Variants in PSMC4 observed in about 807,000 individuals in gnomAD.
The protein encoded by PSMC4 is 26S proteasome regulatory subunit 6B.
A neutral mutation model predicts 48.4 loss-of-function variants in PSMC4; 13 were observed. That is an observed-to-expected ratio of 0.27 (90% CI 0.18 to 0.43). PSMC4 has a LOEUF of 0.43. PSMC4 is among the 20% of genes least tolerant of loss of function. The probability of loss-of-function intolerance (pLI) is 1.00; values close to 1 mark genes in which losing one functional copy is unlikely to be tolerated. For missense variants in PSMC4, 262 were observed against 555.9 expected, an observed-to-expected ratio of 0.47 and a Z score of 5.32; for synonymous variants, 202 against 212.3, an observed-to-expected ratio of 0.95 and a Z score of 0.42.
intron 6 of PSMC4, among the ~76,000 whole-genome samples, chr19:39,977,975 T>C (rs967244769): frequency 6.6e-6 from 1 of 152,054 alleles, no homozygotes; most frequent in African/African-American, 2.4e-5. Context: ...TGTGCCACCA[T>C]GCCCAACTAA....
chr19:39,972,595 A>G (rs1275120336), intron 3 of PSMC4, 40 bp downstream of exon 3: 2 of 1,563,926 alleles, frequency 1.3e-6, no homozygotes, highest in African/African-American at 2.7e-5. Flanking sequence ...TGTCCACTTA[A>G]CAACTATTTC....
chr19:39,976,416 A>AG (rs1463894100), intron 6 of PSMC4, among the ~76,000 whole-genome samples: 1 of 147,806 alleles, frequency 6.8e-6, no homozygotes, highest in East Asian at 2.0e-4. Context: ...AAAAAAAAAA[A>AG]AAAAAAAGAA....
At position 39,980,327 on chromosome 19, in the gene PSMC4, C is replaced by T. The variant is rs1971268025; in HGVS notation, c.960C>T (p.Ala320=). The T allele has an allele frequency of 6.2e-7, 1 of 1,614,082 alleles. No homozygotes were observed. The highest frequency in any genetic ancestry group is 8.5e-7 in the Non-Finnish European group (1 of 1,180,018). ...ACAGAGCAGACACCCTGGATCCGGC[C>T]CTGCTACGGCCAGGACGGCTGGACC... ...ATNRADTLDP[A]LLRPGRLDRK... The change falls in exon 9 of 11, where the codon GCC becomes GCT. Residue 320 remains alanine (A), a synonymous_variant. Transcript: ENST00000157812. This position sits in a 1 kb window ranked among gnomAD's most constrained non-coding sequence, Gnocchi z 4.8.
At position 39,981,284 on chromosome 19, in the gene PSMC4, G is replaced by C. The variant is rs1568377715; in HGVS notation, c.1236G>C (p.Gln412His). ...AYKTVIKKDEQEHEFYK is the reference protein window; with the variant it reads ...AYKTVIKKDEHEHEFYK ...AGACTGTCATCAAGAAGGACGAGCA[G>C]GAGCATGAGTTTTACAAGTGACCCT... The change falls in exon 11 of 11, where the codon CAG (glutamine) becomes CAC (histidine). Residue 412 changes from glutamine (Q) to histidine (H), a missense_variant. Gln to His is a conservative substitution (Grantham distance 24). Transcript: ENST00000157812. 6.2e-7 allele frequency: 1 copy of C among 1,613,944 alleles called. No individual in the cohort carries two copies. The highest frequency in any genetic ancestry group is 8.5e-7 in the Non-Finnish European group (1 of 1,179,870).
Position 39,981,440 on chromosome 19 carries a change from C to T in PSMC4, c.*135C>T. 3 of 632,128 alleles carry T rather than the reference C, an allele frequency of 4.7e-6. No individual in the cohort carries two copies. Among genetic ancestry groups the T allele is most frequent in the Non-Finnish European group, 5.6e-6 (2 of 356,074 alleles). 39.2% of individuals were successfully genotyped at this position (632,128 alleles called of 1,614,324 possible). On this transcript the variant is annotated 3_prime_UTR_variant, in exon 11 of 11. Coordinates refer to ENST00000157812, the MANE Select transcript of PSMC4 (RefSeq NM_006503.4). ...TTCAATAAATAGATAAGATCGAATC[C>T]ATTTAATTTCTTCTTAGAAGTTTAA... is the stretch of plus-strand genomic sequence containing the variant.
At position 39,974,171 on chromosome 19, in the gene PSMC4, G is replaced by A. The variant is rs1971154184; in HGVS notation, c.323-123G>A. ...CGGACAGCAGGAGGGAAGGCTGGAG[G>A]CCGAGAGGGGACCCCTCAGGGTCTG... On this transcript the variant is annotated intron_variant, in intron 3 of 10. Coordinates refer to ENST00000157812, the MANE Select transcript of PSMC4 (RefSeq NM_006503.4). The surrounding 1 kb of genome is among the most constrained non-coding windows in gnomAD (Gnocchi z 5.5). 2 of 1,221,596 alleles carry A rather than the reference G, an allele frequency of 1.6e-6. No individual in the cohort carries two copies. The highest frequency in any genetic ancestry group is 2.5e-5 in the East Asian group (1 of 39,886). The allele number at this position is 1,221,596 out of a possible 1,614,324, so 75.7% of individuals were successfully genotyped here.
chr19:39,971,347 G>A (rs1971097805), intron 1 of PSMC4, 109 bp downstream of exon 1: 1 of 1,406,210 alleles, frequency 7.1e-7, no homozygotes, highest in Non-Finnish European at 1.0e-6. Context: ...CCCAGGTTGG[G>A]GTTATTTTAG....
intron 6 of PSMC4, among the ~76,000 whole-genome samples, chr19:39,978,820 C>G (rs976788127): frequency 6.6e-5 from 10 of 152,050 alleles, no homozygotes; most frequent in Admixed American, 4.6e-4. Context: ...AGTTTGAGAC[C>G]AGCCTGAGCA....
At chr19:39,975,839 A>C (rs964734860) in intron 6 of PSMC4, among the ~76,000 whole-genome samples, 2 of 152,222 alleles carry the variant, frequency 1.3e-5, no homozygotes, top group African/African-American at 4.8e-5. Context: ...GAATGCAAAG[A>C]TGACAATCAG....
Position 39,980,466 on chromosome 19 carries a change from C to T in PSMC4, c.1087+12C>T, listed in dbSNP as rs771058353. The T allele has an allele frequency of 7.4e-6, 12 of 1,613,532 alleles. No homozygotes were observed. The highest frequency in any genetic ancestry group is 1.6e-4 in the Middle Eastern group (1 of 6,084). ...TGACTTGGAAGACTGTATCCTGCTC[C>T]AGAAGTCAGGGAGGGGCCCTAGTTG... is the stretch of plus-strand genomic sequence containing the variant. On this transcript the variant is annotated intron_variant, in intron 9 of 10. Coordinates refer to ENST00000157812, the MANE Select transcript of PSMC4 (RefSeq NM_006503.4). This position sits in a 1 kb window ranked among gnomAD's most constrained non-coding sequence, Gnocchi z 4.8.
chr19:39,979,561 C>CAA (rs771589927), intron 6 of PSMC4: 1,143 of 209,754 alleles, frequency 5.4e-3, no homozygotes, highest in Middle Eastern at 0.011. Flanking sequence ...ACTCTGTCTC[C>CAA]AAAAAAAAAA....
rs766968064 is a variant in PSMC4, at chr19:39,981,196, G to C, written c.1148G>C (p.Gly383Ala). ...TTAACTCTCATCCTTCAACAGAGTG[G>C]AATGTTGGCTGTCCGTGAAAACCGC... Reference protein sequence around the residue: ...ADINSICQESGMLAVRENRYI... With the variant: ...ADINSICQESAMLAVRENRYI... The change falls in exon 11 of 11, where the codon GGA becomes GCA. Residue 383 changes from glycine (G) to alanine (A), a missense_variant. Gly to Ala is a moderately conservative substitution (Grantham distance 60). Transcript: ENST00000157812. 1 of 1,613,164 alleles carries C rather than the reference G, an allele frequency of 6.2e-7. No homozygotes were observed.
intron 1 of PSMC4, among the ~76,000 whole-genome samples, chr19:39,971,811 T>A (rs1971106395): frequency 6.6e-6 from 1 of 152,050 alleles, no homozygotes; most frequent in Non-Finnish European, 1.5e-5. Context: ...CATGTGACAT[T>A]AGGAACCTCT....
Position 39,972,538 on chromosome 19 carries a change from T to TCGTG in PSMC4, c.306_309dup (p.Gly104ArgfsTer140). Reference sequence around the variant, plus strand: ...GAGGCTGTGGATCAGAATACAGCCATCGTGGGCTCTACCACAGGTGTGCTA... The same window carrying TCGTG: ...GAGGCTGTGGATCAGAATACAGCCATCGTGCGTGGGCTCTACCACAGGTGTGCTA... On this transcript the variant is annotated frameshift_variant, in exon 3 of 11. Coordinates refer to ENST00000157812, the MANE Select transcript of PSMC4 (RefSeq NM_006503.4). LOFTEE classifies it high-confidence loss of function. 1 of 1,613,148 alleles carries TCGTG rather than the reference T, an allele frequency of 6.2e-7. No individual in the cohort carries two copies. Among genetic ancestry groups the TCGTG allele is most frequent in the Non-Finnish European group, 8.5e-7 (1 of 1,179,314 alleles).
chr19:39,980,060 G>A lies in PSMC4; in HGVS notation c.842-10G>A, dbSNP rs1467939188. 6.2e-7 allele frequency: 1 copy of A among 1,614,150 alleles called. No homozygotes were observed. The highest frequency in any genetic ancestry group is 1.7e-5 in the Admixed American group (1 of 60,008). On this transcript the variant is annotated splice_polypyrimidine_tract_variant and intron_variant, in intron 7 of 10. Coordinates refer to ENST00000157812, the MANE Select transcript of PSMC4 (RefSeq NM_006503.4). The surrounding 1 kb of genome is among the most constrained non-coding windows in gnomAD (Gnocchi z 4.8). ...GGATGCCTGGGACTGACTGTGCTGTGCACTCTCAGCCGACAGGGAGGTTCA... is the reference window on the plus strand; with the variant it reads ...GGATGCCTGGGACTGACTGTGCTGTACACTCTCAGCCGACAGGGAGGTTCA...
At chr19:39,981,044 ACAGGGTTTCAC>A in intron 10 of PSMC4, 137 bp from the exon 11 acceptor site, 1 of 638,524 alleles carries the variant, frequency 1.6e-6, no homozygotes. Context: ...TTTTGTAGAG[ACAGGGTTTCAC>A]CATGTTGCCC....
chr19:39,976,846 AT>A (rs1222145410), intron 6 of PSMC4, among the ~76,000 whole-genome samples: 14,745 of 105,698 alleles, frequency 0.14, 1,975 homozygotes, highest in African/African-American at 0.42. Context: ...TTTGTGTGTG[AT>A]TTTTTTTTTT....
intron 6 of PSMC4, among the ~76,000 whole-genome samples, chr19:39,978,014 A>G (rs1971231760): frequency 6.6e-6 from 1 of 152,066 alleles, no homozygotes; most frequent in East Asian, 1.9e-4. Context: ...CAGTAGAGAC[A>G]GGGTCTTGCT....
In PSMC4 at chr19:39,980,584, C is replaced by T. The variant is rs1257717947; in HGVS notation, c.1088-78C>T. 5.7e-6 allele frequency: 9 copies of T among 1,588,824 alleles called. No individual in the cohort carries two copies. The highest frequency in any genetic ancestry group is 3.3e-5 in the Admixed American group (2 of 59,916). On this transcript the variant is annotated intron_variant, in intron 9 of 10. Transcript: ENST00000157812. This position sits in a 1 kb window ranked among gnomAD's most constrained non-coding sequence, Gnocchi z 4.8. Reference sequence around the variant, plus strand: ...AAGGTCCAGGGAGGAGGGGAGGTGACAGAGATGGCCAAAGATGACTTCCAG... The same window carrying T: ...AAGGTCCAGGGAGGAGGGGAGGTGATAGAGATGGCCAAAGATGACTTCCAG...
Sources: gnomAD v4.1 joint callset for allele counts (sites outside exome capture counted in the v4.1 genomes callset) on GRCh38, gnomAD v4.1.1 for gene constraint, Gnocchi (gnomAD v3.1) non-coding constraint, MANE v1.5 for transcripts, NCBI Gene and HGNC (gene_info 2026-07-23, HGNC 2026-07-21) for gene names.